AIG1: variants seen among roughly 807,000 people sequenced by gnomAD.
AIG1 encodes androgen-induced gene 1 protein.
A neutral mutation model predicts 31.4 loss-of-function variants in AIG1; 23 were observed. That is an observed-to-expected ratio of 0.73 (90% CI 0.53 to 1.04). The LOEUF (loss-of-function observed/expected upper bound fraction) is 1.04. Among genes scored for constraint, AIG1 ranks in the 50% least tolerant of loss-of-function variants. The pLI is 0.00. For missense variants in AIG1, 274 were observed against 295.0 expected (o/e 0.93, Z 0.52); for synonymous variants, 100 against 110.5 (o/e 0.90, Z 0.60).
chr6:143,135,480 G>A (rs1043450951), intron 1 of AIG1, among the ~76,000 whole-genome samples: 4 of 151,950 alleles, frequency 2.6e-5, no homozygotes, highest in Non-Finnish European at 2.9e-5. Context: ...TTATTGTGTC[G>A]TTCTCAATTG....
At chr6:143,192,608 G>GA (rs59209805) in intron 3 of AIG1, among the ~76,000 whole-genome samples, 6,633 of 113,680 alleles carry the variant, frequency 0.058, 348 homozygotes, top group African/African-American at 0.17. Flanking sequence ...TCCATCTCAA[G>GA]AAAAAAAAAA....
At chr6:143,320,820 A>ATTT (rs35582590) in intron 4 of AIG1, among the ~76,000 whole-genome samples, 11 of 134,448 alleles carry the variant, frequency 8.2e-5, no homozygotes, top group African/African-American at 2.7e-4. Flanking sequence ...AAGCGAGTAG[A>ATTT]TTTTTTTTTT....
rs1322629923 is a variant in AIG1 at position 143,279,106 on chromosome 6, G to A, written c.400-5004G>A. Among the ~76,000 whole-genome samples the A allele has an allele frequency of 2.0e-5, 3 of 152,132 alleles. No individual in the cohort carries two copies. On this transcript the variant is annotated intron_variant, in intron 3 of 5. Transcript: ENST00000357847. This position sits in a 1 kb window ranked among gnomAD's most constrained non-coding sequence, Gnocchi z 5.4. ...TACATTAGTGTGTACGTGTGTATACGTATATGATGTTTTATGACAGCATTG... is the reference window on the plus strand; with the variant it reads ...TACATTAGTGTGTACGTGTGTATACATATATGATGTTTTATGACAGCATTG...
chr6:143,156,756 A>G (rs1785804301), intron 2 of AIG1, among the ~76,000 whole-genome samples: 1 of 152,224 alleles, frequency 6.6e-6, no homozygotes, highest in Non-Finnish European at 1.5e-5. Context: ...GAGACATACT[A>G]GGAGCTTTTG....
At chr6:143,170,924 C>CA (rs989555753) in intron 3 of AIG1, among the ~76,000 whole-genome samples, 3 of 150,370 alleles carry the variant, frequency 2.0e-5, no homozygotes, top group Non-Finnish European at 3.0e-5. Context: ...AAATAAAGAA[C>CA]AAAAAAACAA....
At chr6:143,184,090 G>A (rs548628330) in intron 3 of AIG1, among the ~76,000 whole-genome samples, 1 of 152,174 alleles carries the variant, frequency 6.6e-6, no homozygotes, top group African/African-American at 2.4e-5. Flanking sequence ...AGATCATCTG[G>A]TTCATCTACC....
chr6:143,090,779 C>T (rs982372471), intron 1 of AIG1, among the ~76,000 whole-genome samples: 2 of 152,178 alleles, frequency 1.3e-5, no homozygotes, highest in Non-Finnish European at 2.9e-5. Context: ...GCTGATTGAT[C>T]TGGGTGGTGG....
chr6:143,137,106 A>C (rs1034478057), intron 2 of AIG1, 116 bp downstream of exon 2: 1 of 1,126,440 alleles, frequency 8.9e-7, no homozygotes, highest in African/African-American at 1.6e-5. Flanking sequence ...AGTTTGCTGG[A>C]GCTGTCAGTA....
chr6:143,342,644 G>A, downstream of AIG1: 2 of 1,196,088 alleles, frequency 1.7e-6, no homozygotes, highest in Non-Finnish European at 2.5e-6. Context: ...GAGTTATTTT[G>A]ATGGCATAAA....
intron 3 of AIG1, among the ~76,000 whole-genome samples, chr6:143,263,972 A>G (rs1261390556): frequency 1.3e-5 from 2 of 152,232 alleles, no homozygotes; most frequent in Admixed American, 6.5e-5. Flanking sequence ...GAATCGAACT[A>G]TAGTCCTTGT....
At chr6:143,135,493 G>A (rs1412816466) in intron 1 of AIG1, among the ~76,000 whole-genome samples, 4 of 151,986 alleles carry the variant, frequency 2.6e-5, no homozygotes, top group African/African-American at 9.7e-5. Flanking sequence ...CTCAATTGTG[G>A]CAGTCTTAGC....
At chr6:143,120,410 AGGTTTAAT>A (rs1252536551) in intron 1 of AIG1, among the ~76,000 whole-genome samples, 1 of 152,196 alleles carries the variant, frequency 6.6e-6, no homozygotes, top group Non-Finnish European at 1.5e-5. Flanking sequence ...AAAGAAAAAG[AGGTTTAAT>A]GGACTCACAG....
chr6:143,082,711 G>A (rs905620906), intron 1 of AIG1, among the ~76,000 whole-genome samples: 1 of 151,998 alleles, frequency 6.6e-6, no homozygotes, highest in Non-Finnish European at 1.5e-5. Context: ...GGTATGCCAC[G>A]GGTTGCAAGC....
chr6:143,073,811 T>G (rs1777502773), intron 1 of AIG1, among the ~76,000 whole-genome samples: 1 of 152,182 alleles, frequency 6.6e-6, no homozygotes. Context: ...TGCTAAACAC[T>G]TGTAAACAGC....
intron 3 of AIG1, among the ~76,000 whole-genome samples, chr6:143,194,754 G>A (rs993316558): frequency 6.6e-6 from 1 of 152,144 alleles, no homozygotes; most frequent in Non-Finnish European, 1.5e-5. Context: ...CACGGCAGGT[G>A]GCCCCCAGCA....
intron 4 of AIG1, among the ~76,000 whole-genome samples, chr6:143,324,340 C>T (rs1394649310): frequency 1.3e-5 from 2 of 152,336 alleles, no homozygotes; most frequent in African/African-American, 4.8e-5. Flanking sequence ...ATTTATCTTG[C>T]ATCTTGCAAC....
intron 1 of AIG1, among the ~76,000 whole-genome samples, chr6:143,098,287 T>C (rs1779968951): frequency 6.6e-6 from 1 of 152,238 alleles, no homozygotes; most frequent in African/African-American, 2.4e-5. Flanking sequence ...TTCTGATTTT[T>C]TACTTACATA....
intron 1 of AIG1, among the ~76,000 whole-genome samples, chr6:143,085,992 G>C (rs1328120034): frequency 6.6e-6 from 1 of 152,240 alleles, no homozygotes; most frequent in Non-Finnish European, 1.5e-5. Flanking sequence ...AGATTTTTGA[G>C]TTAGTAAGCT....
intron 3 of AIG1, among the ~76,000 whole-genome samples, chr6:143,216,806 G>A (rs184699317): frequency 2.0e-5 from 3 of 152,304 alleles, no homozygotes; most frequent in Non-Finnish European, 4.4e-5. Context: ...CCCCAGCTGC[G>A]TGAGGACAGT....
Sources: gnomAD v4.1 joint callset for allele counts (sites outside exome capture counted in the v4.1 genomes callset) on GRCh38, gnomAD v4.1.1 for gene constraint, Gnocchi (gnomAD v3.1) non-coding constraint, MANE v1.5 for transcripts, NCBI Gene and HGNC (gene_info 2026-07-23, HGNC 2026-07-21) for gene names.